Variants in QPCT observed in about 807,000 individuals in gnomAD.
The protein encoded by QPCT is EC.
Under a neutral mutation model 43.4 loss-of-function variants are expected in QPCT, and 44 were observed. The ratio of observed to expected loss-of-function variants is 1.01; its 90% CI spans 0.80 to 1.30. The LOEUF is 1.30. QPCT is among the 50% of genes most tolerant of loss of function. The pLI, the probability that QPCT is intolerant of heterozygous loss-of-function variation, is 0.00. For synonymous variants in QPCT, 168 were observed against 168.4 expected (o/e 1.00, Z 0.02); for missense variants, 526 against 436.5 (o/e 1.21, Z -1.83).
intron 1 of QPCT, among the ~76,000 whole-genome samples, chr2:37,351,797 G>T (rs1157516459): frequency 6.6e-6 from 1 of 152,136 alleles, no homozygotes; most frequent in East Asian, 1.9e-4. Context: ...CAGGAGAATT[G>T]CTTGAACCCG....
intron 3 of QPCT, among the ~76,000 whole-genome samples, chr2:37,362,012 C>A (rs769681592): frequency 2.0e-5 from 3 of 152,168 alleles, no homozygotes; most frequent in Non-Finnish European, 1.5e-5. Flanking sequence ...GAGCAGGTTG[C>A]CTCATGGGAC....
chr2:37,351,002 T>C (rs143725591), intron 1 of QPCT, among the ~76,000 whole-genome samples: 167 of 152,276 alleles, frequency 1.1e-3, no homozygotes, highest in Admixed American at 1.8e-3. Context: ...GTTGAGAGGG[T>C]CTGTCTGATC....
At chr2:37,362,560 T>C (rs1236806444) in intron 3 of QPCT, among the ~76,000 whole-genome samples, 1 of 152,182 alleles carries the variant, frequency 6.6e-6, no homozygotes, top group Non-Finnish European at 1.5e-5. Flanking sequence ...ATAAAGACAA[T>C]TTTTTTCTCT....
At chr2:37,366,738 A>G (rs1006091347) in intron 3 of QPCT, among the ~76,000 whole-genome samples, 4 of 152,244 alleles carry the variant, frequency 2.6e-5, no homozygotes, top group Non-Finnish European at 5.9e-5. Context: ...TGCAGGTTCA[A>G]CAACGGCCTC....
rs1439975458 is a variant in QPCT, at chr2:37,372,841, T to C, written c.*14T>C. 2.5e-6 allele frequency: 4 copies of C among 1,586,898 alleles called. No homozygotes were observed. The highest frequency in any genetic ancestry group is 3.6e-5 in the Admixed American group (2 of 56,092). ...CTTCATTTGTAATACTCTGATTTAGTTTAGGATAATTGGTTCTAGAATTGA... is the reference window on the plus strand; with the variant it reads ...CTTCATTTGTAATACTCTGATTTAGCTTAGGATAATTGGTTCTAGAATTGA... On this transcript the variant is annotated 3_prime_UTR_variant, in exon 7 of 7. Transcript: ENST00000338415.
intron 3 of QPCT, 34 bp from the exon 4 acceptor site, chr2:37,367,198 T>A: frequency 6.4e-7 from 1 of 1,571,708 alleles, no homozygotes; most frequent in Non-Finnish European, 8.7e-7. Flanking sequence ...ATCACAGTAT[T>A]TTTTTGCTAT....
intron 1 of QPCT, among the ~76,000 whole-genome samples, chr2:37,347,162 ATAACAT>A (rs1438270451): frequency 1.5e-5 from 1 of 65,980 alleles, no homozygotes; most frequent in Non-Finnish European, 2.6e-5. Context: ...ATATATATAT[ATAACAT>A]ATATATATAT....
rs975640196 is a variant in QPCT, at chr2:37,348,054, G to A, written c.120+3203G>A. 1.7e-4 allele frequency among the ~76,000 whole-genome samples: 16 copies of A among 96,362 alleles called. No individual in the cohort carries two copies. The East Asian group carries it at 5.5e-3, about 33-fold the overall frequency. The allele number at this position is 96,362 out of a possible 152,430, so 63.2% of individuals were successfully genotyped here. A position where few individuals can be genotyped will look rare whatever the true frequency, so the allele number is the denominator to read the frequency against. On this transcript the variant is annotated intron_variant, in intron 1 of 6. Coordinates refer to ENST00000338415, the MANE Select transcript of QPCT (RefSeq NM_012413.4). Reference sequence around the variant, plus strand: ...TTTATTTCTATCTCTCTCTCTCTGCGCGCGCACGCGTGTGTGTGTGTGTGT... The same window carrying A: ...TTTATTTCTATCTCTCTCTCTCTGCACGCGCACGCGTGTGTGTGTGTGTGT...
At chr2:37,366,761 C>T (rs750372028) in intron 3 of QPCT, among the ~76,000 whole-genome samples, 10 of 152,288 alleles carry the variant, frequency 6.6e-5, no homozygotes, top group African/African-American at 1.7e-4. Context: ...CCAACCCCTG[C>T]GGAGCTCTGG....
At chr2:37,345,467 T>A (rs1207556586) in intron 1 of QPCT, among the ~76,000 whole-genome samples, 4 of 152,160 alleles carry the variant, frequency 2.6e-5, no homozygotes, top group Non-Finnish European at 5.9e-5. Flanking sequence ...TCAGAGAAAA[T>A]GGATCTAGTT....
intron 2 of QPCT, among the ~76,000 whole-genome samples, chr2:37,358,377 C>T (rs1227715978): frequency 6.6e-6 from 1 of 152,116 alleles, no homozygotes; most frequent in Non-Finnish European, 1.5e-5. Context: ...GCGGAGGTTG[C>T]AGTGAGCTGA....
chr2:37,355,838 T>A (rs532648355), intron 2 of QPCT, among the ~76,000 whole-genome samples: 1 of 152,198 alleles, frequency 6.6e-6, no homozygotes, highest in South Asian at 2.1e-4. Flanking sequence ...AGAGGCAAAC[T>A]AGAAACTTCA....
chr2:37,352,178 T>G (rs749273338), intron 1 of QPCT, among the ~76,000 whole-genome samples: 1 of 152,198 alleles, frequency 6.6e-6, no homozygotes, highest in Non-Finnish European at 1.5e-5. Context: ...CAACATGTAA[T>G]CATTATAAAA....
At chr2:37,347,744 T>C (rs1030063125) in intron 1 of QPCT, among the ~76,000 whole-genome samples, 4 of 152,202 alleles carry the variant, frequency 2.6e-5, no homozygotes, top group Non-Finnish European at 4.4e-5. Flanking sequence ...TACAGGCCCA[T>C]TCCTTTAGTA....
chr2:37,370,303 A>C (rs996324754), intron 5 of QPCT, among the ~76,000 whole-genome samples: 6 of 152,156 alleles, frequency 3.9e-5, no homozygotes, highest in African/African-American at 1.2e-4. Context: ...TAGTAAGCCC[A>C]GTTTATTTTC....
chr2:37,345,788 A>G (rs1480442289), intron 1 of QPCT, among the ~76,000 whole-genome samples: 1 of 149,398 alleles, frequency 6.7e-6, no homozygotes, highest in African/African-American at 2.5e-5. Context: ...GTAAGCCGAG[A>G]TCGCGCCACT....
At position 37,347,194 on chromosome 2, in the gene QPCT, C is replaced by CATATATATATATAA. The variant is rs34463193; in HGVS notation, c.120+2354_120+2355insTAAATATATATATA. 7.0e-3 allele frequency among the ~76,000 whole-genome samples: 344 copies of CATATATATATATAA among 48,796 alleles called. 23 individuals carry two copies. Among genetic ancestry groups the CATATATATATATAA allele is most frequent in the Non-Finnish European group, 9.8e-3 (288 of 29,330 alleles). The allele number at this position is 48,796 out of a possible 152,430, so 32.0% of individuals were successfully genotyped here. On this transcript the variant is annotated intron_variant, in intron 1 of 6. Transcript: ENST00000338415. ...ATATATATATAACATATATATATAA[C>CATATATATATATAA]ATATATATATAACATATATATAACA...
intron 1 of QPCT, among the ~76,000 whole-genome samples, chr2:37,351,531 C>T (rs1672625852): frequency 6.6e-6 from 1 of 152,096 alleles, no homozygotes; most frequent in Non-Finnish European, 1.5e-5. Flanking sequence ...ATAGATTCAC[C>T]AAGCTCAGGC....
intron 2 of QPCT, among the ~76,000 whole-genome samples, chr2:37,355,773 A>T (rs6756313): frequency 0.12 from 18,084 of 152,184 alleles, 3,288 homozygotes; most frequent in African/African-American, 0.39. Context: ...TAAAAAAATT[A>T]AAAAATTAGG....
Sources: allele counts gnomAD v4.1 joint callset (sites outside exome capture counted in the v4.1 genomes callset), GRCh38; gene constraint gnomAD v4.1.1; transcripts MANE v1.5; gene names NCBI Gene and HGNC (gene_info 2026-07-23, HGNC 2026-07-21).